The following SASH1 variants were observed in gnomAD, a reference collection of about 807,000 sequenced individuals.
SASH1 encodes the protein SAM and SH3 domain-containing protein 1.
Under a neutral mutation model 125.2 loss-of-function variants are expected in SASH1, and 44 were observed. The observed-to-expected ratio is 0.35, with a 90% CI of 0.28 to 0.45. SASH1 has a LOEUF of 0.45. Among genes scored for constraint, SASH1 ranks in the 20% least tolerant of loss-of-function variants. The pLI, the probability that SASH1 is intolerant of heterozygous loss-of-function variation, is 1.00. For synonymous variants in SASH1, 639 were observed against 649.1 expected (o/e 0.98, Z 0.24); for missense variants, 1,426 against 1,614.5 (o/e 0.88, Z 2.00).
At chr6:148,502,212 G>A (rs1238981103) in intron 8 of SASH1, among the ~76,000 whole-genome samples, 1 of 152,092 alleles carries the variant, frequency 6.6e-6, no homozygotes. Flanking sequence ...TGTACCTCTG[G>A]GAGAAGAATG....
intron 8 of SASH1, among the ~76,000 whole-genome samples, chr6:148,503,579 G>T (rs754868645): frequency 1.3e-5 from 2 of 152,160 alleles, no homozygotes; most frequent in Non-Finnish European, 1.5e-5. Flanking sequence ...CACACCAGGG[G>T]CCTGGGGTTT....
intron 1 of SASH1, among the ~76,000 whole-genome samples, chr6:148,363,675 C>T (rs1331961396): frequency 6.6e-6 from 1 of 152,064 alleles, no homozygotes; most frequent in Non-Finnish European, 1.5e-5. Flanking sequence ...GCTGGGATTA[C>T]AGGCATAAGC....
At chr6:148,469,060 T>G (rs1777976562) in intron 5 of SASH1, 1 of 152,748 alleles carries the variant, frequency 6.5e-6, no homozygotes, top group African/African-American at 2.4e-5. Context: ...AGGCATTGTA[T>G]GTTTTATATA....
intron 2 of SASH1, among the ~76,000 whole-genome samples, chr6:148,426,598 T>C (rs998545062): frequency 2.0e-5 from 3 of 152,158 alleles, no homozygotes; most frequent in Admixed American, 6.6e-5. Flanking sequence ...AGAGTTGAAA[T>C]GCAAAGTGAG....
chr6:148,210,435 AGGCAGGAGAATTG>A, the SASH1 span, among the ~76,000 whole-genome samples: 1 of 152,246 alleles, frequency 6.6e-6, no homozygotes, highest in African/African-American at 2.4e-5. Context: ...TGGGAGGCTG[AGGCAGGAGAATTG>A]CTTGGACCCA....
chr6:148,210,248 C>T, the SASH1 span, among the ~76,000 whole-genome samples: 1 of 152,202 alleles, frequency 6.6e-6, no homozygotes, highest in Non-Finnish European at 1.5e-5. Flanking sequence ...CAAAAACAGA[C>T]CAGGCATGGT....
rs9390578 is a variant in SASH1, at chr6:148,519,627, C to T, written c.943C>T (p.Leu315Phe). 5.6e-6 allele frequency: 9 copies of T among 1,614,134 alleles called. No homozygotes were observed. The East Asian group carries it at 1.6e-4, about 28-fold the overall frequency. ...CTACTCTGGCGTGCACAAGAAGCCC[C>T]TTTTCTTTGATGGCTCTCCTGAGAA... is the stretch of plus-strand genomic sequence containing the variant. ...ALYSGVHKKP[L>F]FFDGSPEKPP... Residue 315 changes from leucine (L) to phenylalanine (F), a missense_variant, in exon 10 of 20, where the codon CTT (leucine) becomes TTT (phenylalanine). Coordinates refer to ENST00000367467, the MANE Select transcript of SASH1 (RefSeq NM_015278.5). The surrounding 1 kb of genome is among the most constrained non-coding windows in gnomAD (Gnocchi z 4.8).
chr6:148,527,297 AAG>A, intron 11 of SASH1, 154 bp from the exon 12 acceptor site: 1 of 594,684 alleles, frequency 1.7e-6, no homozygotes, highest in Non-Finnish European at 2.7e-6. Flanking sequence ...TTTTTAATCA[AAG>A]AGATAAATAA....
intron 19 of SASH1, among the ~76,000 whole-genome samples, chr6:148,547,463 A>G (rs940515269): frequency 6.6e-5 from 10 of 152,170 alleles, no homozygotes; most frequent in African/African-American, 2.4e-4. Flanking sequence ...GGCTGTAGAA[A>G]GCAAAACCAT....
chr6:148,503,760 TAAA>T (rs11385703), intron 8 of SASH1, among the ~76,000 whole-genome samples: 3 of 145,400 alleles, frequency 2.1e-5, no homozygotes, highest in Non-Finnish European at 4.5e-5. Context: ...CCCTTTCTTG[TAAA>T]AAAAAAAAAA....
intron 1 of SASH1, among the ~76,000 whole-genome samples, chr6:148,374,894 G>A (rs556179582): frequency 4.6e-5 from 7 of 152,160 alleles, no homozygotes; most frequent in South Asian, 2.1e-4. Context: ...ACGGGGTTTC[G>A]CCATGTTGGC....
intron 1 of SASH1, among the ~76,000 whole-genome samples, chr6:148,289,371 C>T (rs935103280): frequency 6.6e-6 from 1 of 152,224 alleles, no homozygotes; most frequent in Non-Finnish European, 1.5e-5. Context: ...AAGGCGTGAG[C>T]CTATCTAACT....
At chr6:148,322,427 A>G (rs969364240) in intron 1 of SASH1, among the ~76,000 whole-genome samples, 8 of 152,176 alleles carry the variant, frequency 5.3e-5, no homozygotes, top group Non-Finnish European at 8.8e-5. Flanking sequence ...TTTTCGGCTT[A>G]ATTTATAAAT....
At chr6:148,416,071 G>T (rs1360472521) in intron 2 of SASH1, among the ~76,000 whole-genome samples, 1 of 152,196 alleles carries the variant, frequency 6.6e-6, no homozygotes, top group Admixed American at 6.5e-5. Context: ...AGAAAAGCTG[G>T]CCTTTGTCTT....
chr6:148,457,746 T>A (rs1049161637), intron 4 of SASH1, among the ~76,000 whole-genome samples: 1 of 151,862 alleles, frequency 6.6e-6, no homozygotes, highest in Non-Finnish European at 1.5e-5. Context: ...AGGAAAGAGG[T>A]TTAATTGACT....
intron 1 of SASH1, among the ~76,000 whole-genome samples, chr6:148,385,596 T>G (rs1433869675): frequency 6.6e-6 from 1 of 152,154 alleles, no homozygotes; most frequent in African/African-American, 2.4e-5. Flanking sequence ...TTGGGACATT[T>G]AGCCCCACCT....
chr6:148,396,009 T>G (rs1389312074), intron 2 of SASH1, among the ~76,000 whole-genome samples: 1 of 152,130 alleles, frequency 6.6e-6, no homozygotes, highest in Non-Finnish European at 1.5e-5. Context: ...AGCAGCACTC[T>G]GTTGATGATG....
the SASH1 span, among the ~76,000 whole-genome samples, chr6:148,196,016 G>C: frequency 6.6e-6 from 1 of 152,184 alleles, no homozygotes; most frequent in Non-Finnish European, 1.5e-5. Flanking sequence ...TAATGAGTGG[G>C]CTGGGAGTGA....
chr6:148,237,933 A>G, the SASH1 span, among the ~76,000 whole-genome samples: 560 of 152,256 alleles, frequency 3.7e-3, 2 homozygotes, highest in African/African-American at 0.012. Flanking sequence ...CACATTGTTC[A>G]TAACACAATC....
Sources: allele counts gnomAD v4.1 joint callset (sites outside exome capture counted in the v4.1 genomes callset), GRCh38; gene constraint gnomAD v4.1.1; non-coding constraint Gnocchi (gnomAD v3.1); transcripts MANE v1.5; gene names NCBI Gene and HGNC (gene_info 2026-07-23, HGNC 2026-07-21).